The following ARL3 variants were observed in gnomAD, a reference collection of about 807,000 sequenced individuals.
ARL3 encodes ARF like GTPase 3, also known as ADP-ribosylation factor-like protein 3.
ARL3 carries 9 observed loss-of-function variants against 26.0 expected under a neutral mutation model. The observed-to-expected ratio is 0.35, with a 90% confidence interval of 0.21 to 0.60. ARL3 has a LOEUF of 0.60. ARL3 is among the 20% of genes least tolerant of loss of function. The pLI, the probability that ARL3 is intolerant of heterozygous loss-of-function variation, is 0.78. For synonymous variants in ARL3, 71 were observed against 78.4 expected, an observed-to-expected ratio of 0.91 and a Z score of 0.50; for missense variants, 158 against 215.7, an observed-to-expected ratio of 0.73 and a Z score of 1.67.
intron 4 of ARL3, among the ~76,000 whole-genome samples, chr10:102,689,454 C>G (rs1057325316): frequency 1.3e-5 from 2 of 152,176 alleles, no homozygotes; most frequent in African/African-American, 4.8e-5. Context: ...AAACAAAAAC[C>G]TCCCTCACTC....
At chr10:102,708,908 A>ATATATATTTTTT in intron 1 of ARL3, among the ~76,000 whole-genome samples, 70 of 95,310 alleles carry the variant, frequency 7.3e-4, no homozygotes, top group South Asian at 2.6e-3. Context: ...ATATATATAT[A>ATATATATTTTTT]TTTTTTTTTT....
chr10:102,688,732 A>G (rs1461972930), intron 4 of ARL3, among the ~76,000 whole-genome samples: 1 of 151,982 alleles, frequency 6.6e-6, no homozygotes, highest in Non-Finnish European at 1.5e-5. Context: ...TGATCTCCTG[A>G]CTGCAAGTGA....
Position 102,708,908 on chromosome 10 carries a change from A to ATATATATATATTT in ARL3, c.4-3420_4-3419insAAATATATATATA. Among the ~76,000 whole-genome samples the ATATATATATATTT allele has an allele frequency of 2.5e-3, 241 of 95,258 alleles. 2 individuals carry two copies. The highest frequency in any genetic ancestry group is 7.6e-3 in the African/African-American group (181 of 23,782). 62.5% of individuals were successfully genotyped at this position (95,258 alleles called of 152,430 possible). ...ATATTATATATATATATATATATAT[A>ATATATATATATTT]TTTTTTTTTTTTTTGAGACAAGGTC... On this transcript the variant is annotated intron_variant, in intron 1 of 5. Transcript: ENST00000260746.
intron 2 of ARL3, 137 bp downstream of exon 2, chr10:102,705,207 TGG>T: frequency 9.9e-7 from 1 of 1,009,890 alleles, no homozygotes; most frequent in Non-Finnish European, 1.3e-6. Flanking sequence ...TTTTGAAATC[TGG>T]TTATCTTTAG....
In ARL3 at chr10:102,685,995, C is replaced by T. The variant is rs745708839; in HGVS notation, c.322G>A (p.Ala108Thr). ...KRFEETGQEL[A>T]ELLEEEKLSC... ...AGTTTTTCTTCCTCCAGTAATTCCG[C>T]TAGTTCCTGGATTTTGAGAAGGGAG... The change falls in exon 5 of 6, where the codon GCG becomes ACG. Residue 108 changes from alanine to threonine, a missense_variant. By Grantham distance (58) the Ala-to-Thr change is moderately conservative (BLOSUM62 0). Coordinates refer to ENST00000260746, the MANE Select transcript of ARL3 (RefSeq NM_004311.4). The T allele has an allele frequency of 6.2e-7, 1 of 1,612,376 alleles. No homozygotes were observed. The highest frequency in any genetic ancestry group is 8.5e-7 in the Non-Finnish European group (1 of 1,179,048).
At chr10:102,710,522 T>A (rs1390962778) in intron 1 of ARL3, among the ~76,000 whole-genome samples, 1 of 152,224 alleles carries the variant, frequency 6.6e-6, no homozygotes, top group African/African-American at 2.4e-5. Flanking sequence ...TTTTGCAGTA[T>A]AAATACAATG....
Position 102,705,470 on chromosome 10 carries a change from C to A in ARL3, c.23G>T (p.Arg8Leu), listed in dbSNP as rs368901451. The A allele has an allele frequency of 3.1e-6, 5 of 1,597,898 alleles. No homozygotes were observed. Among genetic ancestry groups the A allele is most frequent in the Non-Finnish European group, 3.4e-6 (4 of 1,167,182 alleles). MGLLSIL[R>L]KLKSAPDQEV... Reference sequence around the variant, plus strand: ...CTGGTCTGGTGCACTTTTCAACTTGCGCAAAATTGAGAGCAAGCCCTTCAA... The same window carrying A: ...CTGGTCTGGTGCACTTTTCAACTTGAGCAAAATTGAGAGCAAGCCCTTCAA... The change falls in exon 2 of 6, where the codon CGC becomes CTC. Residue 8 changes from arginine (R) to leucine (L), a missense_variant. Coordinates refer to ENST00000260746, the MANE Select transcript of ARL3 (RefSeq NM_004311.4).
intron 2 of ARL3, among the ~76,000 whole-genome samples, chr10:102,703,244 C>T (rs908110162): frequency 1.3e-5 from 2 of 150,572 alleles, no homozygotes; most frequent in Non-Finnish European, 2.9e-5. Context: ...GCCTCAGTCT[C>T]CTGAGTAGCT....
At chr10:102,693,693 G>C (rs988074306) in intron 3 of ARL3, among the ~76,000 whole-genome samples, 4 of 151,522 alleles carry the variant, frequency 2.6e-5, no homozygotes, top group African/African-American at 9.7e-5. Context: ...TTATTTTTTT[G>C]AGATAGAGTC....
chr10:102,713,244 A>G (rs2064357762), intron 1 of ARL3, among the ~76,000 whole-genome samples: 1 of 152,168 alleles, frequency 6.6e-6, no homozygotes, highest in Non-Finnish European at 1.5e-5. Flanking sequence ...TTTTTCTTTG[A>G]TAGCTCTAAA....
In ARL3 at chr10:102,676,931, T is replaced by A. The variant is rs1381186949; in HGVS notation, c.512A>T (p.Asn171Ile). Reference protein sequence around the residue: ...LTGEGVQDGMNWVCKNVNAKK... With the variant: ...LTGEGVQDGMIWVCKNVNAKK... ...TGCATTGACATTTTTGCAGACCCAG[T>A]TCATGCCATCCTTTGAGGGAAATGG... The change falls in exon 6 of 6, where the codon AAC (asparagine) becomes ATC (isoleucine). Residue 171 changes from asparagine to isoleucine, a missense_variant. By Grantham distance (149) the Asn-to-Ile change is moderately radical. Coordinates refer to ENST00000260746, the MANE Select transcript of ARL3 (RefSeq NM_004311.4). 6.2e-6 allele frequency: 10 copies of A among 1,614,154 alleles called. No homozygotes were observed. The highest frequency in any genetic ancestry group is 1.6e-4 in the Middle Eastern group (1 of 6,062).
At chr10:102,677,373 A>T (rs1041759456) in intron 5 of ARL3, among the ~76,000 whole-genome samples, 1 of 152,184 alleles carries the variant, frequency 6.6e-6, no homozygotes, top group Non-Finnish European at 1.5e-5. Context: ...GACAGTGTAC[A>T]CTTGGGTTAA....
At chr10:102,711,150 A>G (rs546678770) in intron 1 of ARL3, among the ~76,000 whole-genome samples, 1 of 152,176 alleles carries the variant, frequency 6.6e-6, no homozygotes, top group South Asian at 2.1e-4. Context: ...CTTAATCCAA[A>G]CTGTGTCTTC....
intron 1 of ARL3, among the ~76,000 whole-genome samples, chr10:102,713,078 T>G (rs866594891): frequency 6.3e-5 from 1 of 15,984 alleles, no homozygotes; most frequent in African/African-American, 9.2e-5. Context: ...GGGCATCTAG[T>G]TTTTTTGTTT....
intron 1 of ARL3, among the ~76,000 whole-genome samples, chr10:102,711,336 GTATATA>G (rs201365195): frequency 1.1e-4 from 8 of 71,336 alleles, no homozygotes; most frequent in African/African-American, 1.5e-4. Context: ...GTGTGTGTGT[GTATATA>G]TATATATATA....
At chr10:102,689,001 T>C (rs1165496320) in intron 4 of ARL3, among the ~76,000 whole-genome samples, 1 of 152,214 alleles carries the variant, frequency 6.6e-6, no homozygotes, top group Non-Finnish European at 1.5e-5. Context: ...ATATATTCAA[T>C]TTGATTAAAG....
intron 5 of ARL3, among the ~76,000 whole-genome samples, chr10:102,683,711 G>A (rs2064167551): frequency 6.6e-6 from 1 of 151,934 alleles, no homozygotes; most frequent in Non-Finnish European, 1.5e-5. Context: ...GTAGCTTGCT[G>A]CCTCTTTTGT....
At chr10:102,689,168 C>CA (rs1196725378) in intron 4 of ARL3, among the ~76,000 whole-genome samples, 13 of 151,588 alleles carry the variant, frequency 8.6e-5, no homozygotes, top group Non-Finnish European at 1.9e-4. Flanking sequence ...ACTAAAAATA[C>CA]AAAAAAATTA....
chr10:102,686,961 C>A (rs528345880), intron 4 of ARL3, among the ~76,000 whole-genome samples: 1 of 147,654 alleles, frequency 6.8e-6, no homozygotes, highest in African/African-American at 2.5e-5. Context: ...CTGCAACCTC[C>A]GCCTCCCGGG....
Sources: gnomAD v4.1 joint callset for allele counts (sites outside exome capture counted in the v4.1 genomes callset) on GRCh38, gnomAD v4.1.1 for gene constraint, MANE v1.5 for transcripts, NCBI Gene and HGNC (gene_info 2026-07-23, HGNC 2026-07-21) for gene names.